ARHGAP26: variants seen among roughly 807,000 people sequenced by gnomAD.
The protein encoded by ARHGAP26 is rho GTPase-activating protein 26.
In ARHGAP26, 38 loss-of-function variants were observed where a neutral mutation model predicts 104.8. The observed-to-expected ratio is 0.36, with a 90% CI of 0.28 to 0.48. ARHGAP26 has a LOEUF of 0.48. Among genes scored for constraint, ARHGAP26 ranks in the 20% least tolerant of loss-of-function variants. The pLI is 0.99. For missense variants in ARHGAP26, 704 were observed against 947.9 expected (o/e 0.74, Z 3.38); for synonymous variants, 341 against 340.0 (o/e 1.00, Z -0.03).
chr5:143,061,292 A>G (rs1786667956), intron 17 of ARHGAP26, among the ~76,000 whole-genome samples: 1 of 152,204 alleles, frequency 6.6e-6, no homozygotes, highest in Non-Finnish European at 1.5e-5. Flanking sequence ...ATAAGAGTAG[A>G]TGAGTAATAA....
chr5:143,129,519 A>G (rs1173735999), intron 18 of ARHGAP26, among the ~76,000 whole-genome samples: 1 of 152,206 alleles, frequency 6.6e-6, no homozygotes, highest in African/African-American at 2.4e-5. Context: ...TCAAATTAAT[A>G]GTAGCTATAA....
chr5:142,979,883 A>G (rs1001398299), intron 11 of ARHGAP26, among the ~76,000 whole-genome samples: 2 of 152,250 alleles, frequency 1.3e-5, no homozygotes, highest in Admixed American at 1.3e-4. Context: ...ATCCCTGGCC[A>G]GCAGCTGGAA....
intron 20 of ARHGAP26, among the ~76,000 whole-genome samples, chr5:143,158,598 T>G (rs2151046886): frequency 6.6e-6 from 1 of 152,340 alleles, no homozygotes; most frequent in South Asian, 2.1e-4. Context: ...ATGTAGCATC[T>G]TAGTCATTCA....
chr5:142,799,662 T>C (rs1250794573), intron 1 of ARHGAP26, among the ~76,000 whole-genome samples: 1 of 152,204 alleles, frequency 6.6e-6, no homozygotes, highest in Non-Finnish European at 1.5e-5. Context: ...GGGCCCAGCA[T>C]CTGGTGAGGA....
chr5:143,163,286 A>G (rs1204377905), intron 20 of ARHGAP26, among the ~76,000 whole-genome samples: 9 of 152,156 alleles, frequency 5.9e-5, no homozygotes, highest in Non-Finnish European at 2.9e-5. Flanking sequence ...TTACTCAAAA[A>G]TATTTATGGT....
At chr5:143,196,361 T>C (rs1200009137) in intron 20 of ARHGAP26, among the ~76,000 whole-genome samples, 4 of 152,214 alleles carry the variant, frequency 2.6e-5, no homozygotes, top group African/African-American at 4.8e-5. Context: ...GCGGTAGTCA[T>C]GTTCTATAAA....
intron 20 of ARHGAP26, among the ~76,000 whole-genome samples, chr5:143,153,836 A>G (rs1387337553): frequency 6.6e-6 from 1 of 152,202 alleles, no homozygotes; most frequent in Non-Finnish European, 1.5e-5. Flanking sequence ...TAAAAGACGC[A>G]CGCATGCCAA....
intron 5 of ARHGAP26, among the ~76,000 whole-genome samples, chr5:142,886,276 A>G (rs1757690462): frequency 6.6e-6 from 1 of 152,150 alleles, no homozygotes; most frequent in African/African-American, 2.4e-5. Context: ...CCATGCCAGT[A>G]CTTCTGTTAG....
At chr5:142,944,305 C>T (rs1766797595) in intron 11 of ARHGAP26, among the ~76,000 whole-genome samples, 1 of 152,160 alleles carries the variant, frequency 6.6e-6, no homozygotes, top group Non-Finnish European at 1.5e-5. Context: ...AGGTTGTTTT[C>T]AGCTTTTGAT....
intron 11 of ARHGAP26, among the ~76,000 whole-genome samples, chr5:143,004,894 G>T (rs1437394509): frequency 1.3e-5 from 2 of 152,156 alleles, no homozygotes; most frequent in Non-Finnish European, 2.9e-5. Context: ...GAAGAAGTGG[G>T]GATGAGGAAT....
intron 3 of ARHGAP26, among the ~76,000 whole-genome samples, chr5:142,878,523 ATGTG>A (rs768045852): frequency 1.4e-5 from 2 of 142,046 alleles, no homozygotes; most frequent in Non-Finnish European, 3.0e-5. Context: ...ACTGATGTGT[ATGTG>A]TGTGTGTGTG....
At chr5:142,803,840 C>G (rs1039235003) in intron 1 of ARHGAP26, among the ~76,000 whole-genome samples, 1 of 152,164 alleles carries the variant, frequency 6.6e-6, no homozygotes, top group Non-Finnish European at 1.5e-5. Flanking sequence ...AGGCAACATA[C>G]AAAAACAAAA....
chr5:142,770,637 G>A lies in ARHGAP26; in HGVS notation c.-125G>A, dbSNP rs2276993. 0.064 allele frequency: 43,430 copies of A among 677,198 alleles called. 5,549 individuals carry two copies. The highest frequency in any genetic ancestry group is 0.42 in the African/African-American group (21,853 of 51,434). The allele number at this position is 677,198 out of a possible 1,614,324, so 41.9% of individuals were successfully genotyped here. On this transcript the variant is annotated 5_prime_UTR_variant, in exon 1 of 23. Coordinates refer to ENST00000645722, the MANE Select transcript of ARHGAP26 (RefSeq NM_001135608.3). The stretch of plus-strand genomic sequence containing the variant: ...GACACCGCGCGCGGAGTGAGCCAGC[G>A]CCACACCTGTGGAGCCGGCGGCCGT...
At chr5:142,774,775 T>C (rs1198331800) in intron 1 of ARHGAP26, among the ~76,000 whole-genome samples, 1 of 152,168 alleles carries the variant, frequency 6.6e-6, no homozygotes, top group East Asian at 1.9e-4. Context: ...ACCACTAATC[T>C]TTTTACTGTC....
At chr5:142,890,145 AAAAAAAAT>A (rs1758327507) in intron 5 of ARHGAP26, among the ~76,000 whole-genome samples, 2 of 84,706 alleles carry the variant, frequency 2.4e-5, no homozygotes, top group African/African-American at 1.0e-4. Context: ...TTAAAAAAAA[AAAAAAAAT>A]ATATATATAT....
chr5:142,803,005 G>A (rs1370540289), intron 1 of ARHGAP26, among the ~76,000 whole-genome samples: 1 of 152,204 alleles, frequency 6.6e-6, no homozygotes, highest in Non-Finnish European at 1.5e-5. Flanking sequence ...GTTCCAGTGT[G>A]TAGTGGCGGG....
intron 5 of ARHGAP26, among the ~76,000 whole-genome samples, chr5:142,890,382 G>A (rs1758491689): frequency 6.6e-6 from 1 of 151,132 alleles, no homozygotes; most frequent in Non-Finnish European, 1.5e-5. Context: ...AGGACAGGAA[G>A]GAGATCCAGC....
Position 143,094,297 on chromosome 5 carries a change from G to A in ARHGAP26, c.1539-26691G>A, listed in dbSNP as rs113203689. Among the ~76,000 whole-genome samples the A allele has an allele frequency of 4.7e-3, 721 of 152,330 alleles. 4 individuals are homozygous for A. Among genetic ancestry groups the A allele is most frequent in the African/African-American group, 0.016 (681 of 41,570 alleles). On this transcript the variant is annotated intron_variant, in intron 17 of 22. Coordinates refer to ENST00000645722, the MANE Select transcript of ARHGAP26 (RefSeq NM_001135608.3). ...CCTTCCTTGGTCTGTGCACAGAGTC[G>A]TTGCCACAGTATGTGAGGATCCTTT...
At chr5:142,879,976 A>G (rs1483502581) in intron 4 of ARHGAP26, among the ~76,000 whole-genome samples, 1 of 152,202 alleles carries the variant, frequency 6.6e-6, no homozygotes, top group Non-Finnish European at 1.5e-5. Context: ...GTTTCAAGAC[A>G]AACTGAAAAG....
Sources: allele counts gnomAD v4.1 joint callset (sites outside exome capture counted in the v4.1 genomes callset), GRCh38; gene constraint gnomAD v4.1.1; transcripts MANE v1.5; gene names NCBI Gene and HGNC (gene_info 2026-07-23, HGNC 2026-07-21).